The following SNX6 variants were observed in gnomAD, a reference collection of about 807,000 sequenced individuals.
The protein encoded by SNX6 is sorting nexin-6.
In SNX6, 34 loss-of-function variants were observed where a neutral mutation model predicts 63.0. The ratio of observed to expected loss-of-function variants is 0.54; its 90% CI spans 0.41 to 0.72. SNX6 has a LOEUF of 0.72. Among genes scored for constraint, SNX6 ranks in the 30% least tolerant of loss-of-function variants. SNX6 has a pLI of 0.00. For missense variants in SNX6, 398 were observed against 471.4 expected (o/e 0.84, Z 1.44); for synonymous variants, 170 against 164.2 (o/e 1.04, Z -0.27).
intron 8 of SNX6, among the ~76,000 whole-genome samples, chr14:34,588,559 C>T (rs1040586891): frequency 1.3e-5 from 2 of 152,076 alleles, no homozygotes; most frequent in Non-Finnish European, 2.9e-5. Context: ...CCTAATAAAA[C>T]ATAAAACTTA....
chr14:34,588,970 C>T (rs905047899), intron 8 of SNX6, among the ~76,000 whole-genome samples: 11 of 151,836 alleles, frequency 7.2e-5, no homozygotes, highest in Non-Finnish European at 1.5e-5. Flanking sequence ...TCTGTCTCTA[C>T]TAAAAATGCA....
rs575369640 is a variant in SNX6, at chr14:34,576,770, T to C, written c.835-928A>G. On this transcript the variant is annotated intron_variant, in intron 10 of 13. Transcript: ENST00000362031. ...AGTCAGACTCTATAATGAGTTTCAA[T>C]ATGATCTTTTACCTTCATTAATATT... Among the ~76,000 whole-genome samples the C allele has an allele frequency of 8.6e-5, 13 of 151,950 alleles. 1 individual carries two copies. The South Asian group carries it at 2.7e-3, about 32-fold the overall frequency.
intron 6 of SNX6, among the ~76,000 whole-genome samples, chr14:34,598,675 G>A (rs1218865581): frequency 3.9e-5 from 6 of 152,176 alleles, no homozygotes; most frequent in East Asian, 1.9e-4. Context: ...GAGCCATCAC[G>A]ACTGGCCCAT....
In SNX6 at chr14:34,562,996, A is replaced by G; in HGVS notation, c.*126T>C. On this transcript the variant is annotated 3_prime_UTR_variant, in exon 14 of 14. Transcript: ENST00000362031. ...GCTCCATGTTTCTCAGAAAAAGAGG[A>G]GTTGATGCACTTTTTCAGCTGCTTT... The G allele has an allele frequency of 1.1e-6, 1 of 890,726 alleles. No homozygotes were observed. 55.2% of individuals were successfully genotyped at this position (890,726 alleles called of 1,614,324 possible).
chr14:34,605,353 CT>C (rs1021647597), intron 5 of SNX6: 2 of 255,510 alleles, frequency 7.8e-6, no homozygotes, highest in Non-Finnish European at 1.5e-5. Context: ...CCATTTTCAA[CT>C]TTCAGGGTCT....
At chr14:34,565,238 C>T (rs376690477) in intron 13 of SNX6, among the ~76,000 whole-genome samples, 4 of 150,704 alleles carry the variant, frequency 2.7e-5, no homozygotes, top group African/African-American at 4.9e-5. Context: ...CCACCACGCC[C>T]GGCTAATTTT....
At chr14:34,605,455 G>T (rs527649764) in intron 5 of SNX6, 141 bp downstream of exon 5, 2 of 614,846 alleles carry the variant, frequency 3.3e-6, no homozygotes, top group South Asian at 4.5e-5. Flanking sequence ...AATACTGGTT[G>T]TATGACTTAA....
At chr14:34,629,575 T>A (rs1366066645) in intron 2 of SNX6, 1 of 597,290 alleles carries the variant, frequency 1.7e-6, no homozygotes, top group East Asian at 3.6e-5. Flanking sequence ...GGCCCCAAAG[T>A]GTCGAGGGAG....
At chr14:34,567,286 A>G (rs1881229924) in intron 13 of SNX6, among the ~76,000 whole-genome samples, 1 of 151,986 alleles carries the variant, frequency 6.6e-6, no homozygotes, top group African/African-American at 2.4e-5. Context: ...CGGGATTTCG[A>G]GATAAGCCTG....
chr14:34,575,717 G>GT, intron 11 of SNX6, 39 bp downstream of exon 11: 1 of 1,168,424 alleles, frequency 8.6e-7, no homozygotes, highest in South Asian at 1.4e-5. Context: ...AGAAATGGCT[G>GT]TTTGTAAAAT....
intron 5 of SNX6, chr14:34,604,267 C>G: frequency 7.9e-7 from 1 of 1,266,378 alleles, no homozygotes; most frequent in South Asian, 1.3e-5. Flanking sequence ...GTTATCCAAC[C>G]CCTAACCAGA....
chr14:34,563,069 A>G lies in SNX6; in HGVS notation c.*53T>C, dbSNP rs1324438859. ...AATGCTTAACATCATTAAGAAAACA[A>G]AAATAAAATTTGAAGGAAGGCAGCC... On this transcript the variant is annotated 3_prime_UTR_variant, in exon 14 of 14. Transcript: ENST00000362031. The G allele has an allele frequency of 4.5e-6, 7 of 1,567,344 alleles. No individual in the cohort carries two copies. In the East Asian group the frequency reaches 1.3e-4, roughly 30 times the overall value.
At chr14:34,599,904 G>C (rs1388847907) in intron 6 of SNX6, among the ~76,000 whole-genome samples, 5 of 151,650 alleles carry the variant, frequency 3.3e-5, no homozygotes, top group Admixed American at 6.6e-5. Context: ...TTAAAATCTT[G>C]AAATTTTTAT....
chr14:34,614,430 C>T (rs2138369390), intron 2 of SNX6, among the ~76,000 whole-genome samples: 1 of 150,918 alleles, frequency 6.6e-6, no homozygotes. Context: ...AAGTGAGACC[C>T]TGTCTCAAAA....
intron 7 of SNX6, among the ~76,000 whole-genome samples, chr14:34,597,230 G>A (rs540512628): frequency 1.3e-5 from 2 of 152,322 alleles, no homozygotes; most frequent in East Asian, 1.9e-4. Flanking sequence ...TCAGGAAGTT[G>A]CCCATATAGG....
At chr14:34,586,040 T>A (rs1430112858) in intron 9 of SNX6, among the ~76,000 whole-genome samples, 190 bp downstream of exon 9, 1 of 152,092 alleles carries the variant, frequency 6.6e-6, no homozygotes, top group Non-Finnish European at 1.5e-5. Context: ...GTAGCTGGGA[T>A]TACAGGTGTG....
intron 11 of SNX6, 124 bp from the exon 12 acceptor site, chr14:34,568,137 T>G: frequency 1.4e-6 from 1 of 713,584 alleles, no homozygotes; most frequent in African/African-American, 1.8e-5. Flanking sequence ...ACATGCCAGT[T>G]ACTCCAATTT....
Position 34,625,966 on chromosome 14 carries a change from A to G in SNX6, c.54+3941T>C, listed in dbSNP as rs540810027. Among the ~76,000 whole-genome samples the G allele has an allele frequency of 6.6e-5, 10 of 152,302 alleles. No individual in the cohort carries two copies. In the South Asian group the frequency reaches 2.1e-3, roughly 32 times the overall value. Reference sequence around the variant, plus strand: ...AAACCTGTGCAGTGGCTCTGATATCAGAAATGTGTTTTAAAGTCCAGCTCT... The same window carrying G: ...AAACCTGTGCAGTGGCTCTGATATCGGAAATGTGTTTTAAAGTCCAGCTCT... On this transcript the variant is annotated intron_variant, in intron 2 of 13. Transcript: ENST00000362031.
At chr14:34,625,593 G>A (rs906865998) in intron 2 of SNX6, among the ~76,000 whole-genome samples, 13 of 152,094 alleles carry the variant, frequency 8.5e-5, no homozygotes, top group African/African-American at 2.9e-4. Flanking sequence ...AAATTAGCCA[G>A]GCCTGGTGGC....
Sources: gnomAD v4.1 joint callset for allele counts (sites outside exome capture counted in the v4.1 genomes callset) on GRCh38, gnomAD v4.1.1 for gene constraint, MANE v1.5 for transcripts, NCBI Gene and HGNC (gene_info 2026-07-23, HGNC 2026-07-21) for gene names.